Variants in USP31 observed in about 807,000 individuals in gnomAD.
USP31 encodes ubiquitin specific peptidase 31, also known as ubiquitin carboxyl-terminal hydrolase 31.
USP31 carries 44 observed loss-of-function variants against 119.4 expected under a neutral mutation model. The ratio of observed to expected loss-of-function variants is 0.37; its 90% CI spans 0.29 to 0.47. USP31 has a LOEUF of 0.47. USP31 is among the 20% of genes least tolerant of loss of function. The pLI is 0.99. For missense variants in USP31, 1,643 were observed against 1,730.2 expected, an observed-to-expected ratio of 0.95 and a Z score of 0.89; for synonymous variants, 749 against 705.6, an observed-to-expected ratio of 1.06 and a Z score of -0.97.
At chr16:23,147,592 G>A (rs919109952) in intron 1 of USP31, among the ~76,000 whole-genome samples, 3 of 151,900 alleles carry the variant, frequency 2.0e-5, no homozygotes, top group Non-Finnish European at 4.4e-5. Flanking sequence ...CACTACACTT[G>A]CAGCCCCACC....
chr16:23,088,916 A>G (rs1321600498), intron 7 of USP31, among the ~76,000 whole-genome samples: 1 of 152,260 alleles, frequency 6.6e-6, no homozygotes, highest in African/African-American at 2.4e-5. Context: ...AGGGAAGTAG[A>G]GGTGCTAAGA....
Position 23,149,375 on chromosome 16 carries a change from C to A in USP31, c.-105G>T, listed in dbSNP as rs1196659739. 2.1e-5 allele frequency: 21 copies of A among 987,472 alleles called. No homozygotes were observed. Among genetic ancestry groups the A allele is most frequent in the Non-Finnish European group, 2.4e-5 (20 of 832,374 alleles). The allele number at this position is 987,472 out of a possible 1,614,324, so 61.2% of individuals were successfully genotyped here. ...CGCCGCGCCTCACCGGGCCCGGGGGCTCGACGCCCCACACACCTCAAAGCG... is the reference window on the plus strand; with the variant it reads ...CGCCGCGCCTCACCGGGCCCGGGGGATCGACGCCCCACACACCTCAAAGCG... On this transcript the variant is annotated 5_prime_UTR_variant, in exon 1 of 16. Coordinates refer to ENST00000219689, the MANE Select transcript of USP31 (RefSeq NM_020718.4).
At chr16:23,119,130 G>A (rs1386779311) in intron 1 of USP31, among the ~76,000 whole-genome samples, 4 of 143,902 alleles carry the variant, frequency 2.8e-5, no homozygotes, top group Non-Finnish European at 6.0e-5. Flanking sequence ...AGACAGTCTC[G>A]CTTTGTCCCC....
At position 23,148,672 on chromosome 16, in the gene USP31, A is replaced by C. The variant is rs1253396254; in HGVS notation, c.599T>G (p.Leu200Arg). 13 of 1,493,534 alleles carry C rather than the reference A, an allele frequency of 8.7e-6. No individual in the cohort carries two copies. Among genetic ancestry groups the C allele is most frequent in the Non-Finnish European group, 8.9e-7 (1 of 1,125,372 alleles). 92.5% of individuals were successfully genotyped at this position (1,493,534 alleles called of 1,614,324 possible). The change falls in exon 1 of 16, where the codon CTG becomes CGG. Residue 200 changes from leucine (L) to arginine (R), a missense_variant. This residue lies in a region of USP31 where 144 missense variants were observed against 218.0 expected (regional missense o/e 0.66). Coordinates refer to ENST00000219689, the MANE Select transcript of USP31 (RefSeq NM_020718.4). ...GCGGCTGTGCTGCGGGGTGTACTCC[A>C]GGGTCCAGAGGGCCCGCACCAGGTG... The part of the protein sequence containing the change: ...LAHLVRALWT[L>R]EYTPQHSRDF...
chr16:23,128,228 G>A (rs907290958), intron 1 of USP31, among the ~76,000 whole-genome samples: 6 of 152,306 alleles, frequency 3.9e-5, no homozygotes, highest in South Asian at 2.1e-4. Flanking sequence ...AAAGGAACCT[G>A]ATTCCAGTAT....
At chr16:23,111,543 T>C (rs1302469616) in intron 1 of USP31, among the ~76,000 whole-genome samples, 1 of 152,108 alleles carries the variant, frequency 6.6e-6, no homozygotes, top group Non-Finnish European at 1.5e-5. Flanking sequence ...GGTAAACAAC[T>C]GAAAAATACA....
chr16:23,123,259 T>G (rs1170065770), intron 1 of USP31, among the ~76,000 whole-genome samples: 1 of 152,174 alleles, frequency 6.6e-6, no homozygotes. Flanking sequence ...GACATTAGGC[T>G]GGGCGCGGCA....
chr16:23,098,733 G>A (rs1452315240), intron 6 of USP31, among the ~76,000 whole-genome samples: 3 of 151,984 alleles, frequency 2.0e-5, no homozygotes, highest in Admixed American at 6.6e-5. Flanking sequence ...AGGATTCCCT[G>A]TTTAATAAAT....
chr16:23,131,655 T>G (rs1056445986), intron 1 of USP31, among the ~76,000 whole-genome samples: 1 of 152,074 alleles, frequency 6.6e-6, no homozygotes, highest in African/African-American at 2.4e-5. Context: ...GCTGAAGAAC[T>G]CTAATGAACC....
At chr16:23,083,983 G>A (rs1020280670) in intron 11 of USP31, among the ~76,000 whole-genome samples, 2 of 152,074 alleles carry the variant, frequency 1.3e-5, no homozygotes. Flanking sequence ...CTGTCTTAAC[G>A]AGGCAAACTA....
chr16:23,110,261 T>C (rs746447275), intron 1 of USP31, among the ~76,000 whole-genome samples: 37 of 152,148 alleles, frequency 2.4e-4, no homozygotes, highest in Non-Finnish European at 4.4e-4. Flanking sequence ...GTTGTGTATA[T>C]GTGTATCATG....
In USP31 at chr16:23,069,261, C is replaced by T; in HGVS notation, c.2844G>A (p.Val948=). The T allele has an allele frequency of 6.2e-7, 1 of 1,613,608 alleles. No individual in the cohort carries two copies. Among genetic ancestry groups the T allele is most frequent in the Non-Finnish European group, 8.5e-7 (1 of 1,179,734 alleles). Residue 948 remains valine, a synonymous_variant, in exon 16 of 16, where the codon GTG becomes GTA. Coordinates refer to ENST00000219689, the MANE Select transcript of USP31 (RefSeq NM_020718.4). ...GRAPLAVMEG[V]FKDESDTRRL... is the part of the protein sequence containing the mutation. ...TGCGGGTGTCCGATTCGTCTTTGAA[C>T]ACGCCTTCCATGACAGCCAGAGGGG...
intron 1 of USP31, 68 bp from the exon 2 acceptor site, chr16:23,108,251 A>T (rs760081966): frequency 5.4e-5 from 83 of 1,523,672 alleles, no homozygotes; most frequent in Non-Finnish European, 7.2e-5. Context: ...CTATTTATTC[A>T]TAATCGCAAA....
chr16:23,146,810 T>C (rs182816114), intron 1 of USP31, among the ~76,000 whole-genome samples: 1 of 152,224 alleles, frequency 6.6e-6, no homozygotes, highest in East Asian at 1.9e-4. Context: ...CTCCTTTTAC[T>C]TAAATGTTGT....
At chr16:23,085,073 A>G in intron 10 of USP31, 84 bp from the exon 11 acceptor site, 1 of 1,516,238 alleles carries the variant, frequency 6.6e-7, no homozygotes, top group Admixed American at 2.0e-5. Context: ...TGAAGTGACT[A>G]CAAACTCATA....
At chr16:23,085,695 C>T in intron 9 of USP31, 33 bp from the exon 10 acceptor site, 1 of 1,528,326 alleles carries the variant, frequency 6.5e-7, no homozygotes, top group Non-Finnish European at 9.0e-7. Flanking sequence ...AGGGAAGCCA[C>T]ATATTATTTT....
chr16:23,134,687 A>AAAAG (rs1162732363), intron 1 of USP31, among the ~76,000 whole-genome samples: 3 of 151,682 alleles, frequency 2.0e-5, no homozygotes, highest in East Asian at 1.9e-4. Context: ...AAAAAAAAAA[A>AAAAG]AAAGAAAGAA....
intron 14 of USP31, chr16:23,072,504 GCA>G (rs1480751755): frequency 5.1e-6 from 3 of 588,132 alleles, no homozygotes; most frequent in Non-Finnish European, 9.1e-6. Context: ...GAATAGACAA[GCA>G]CTCATACATT....
chr16:23,137,402 C>T (rs1318502652), intron 1 of USP31, among the ~76,000 whole-genome samples: 1 of 152,014 alleles, frequency 6.6e-6, no homozygotes, highest in Non-Finnish European at 1.5e-5. Context: ...AAAAGTTAAA[C>T]ATAGAATTAT....
Sources: gnomAD v4.1 joint callset for allele counts (sites outside exome capture counted in the v4.1 genomes callset) on GRCh38, gnomAD v4.1.1 for gene constraint, gnomAD v4.1.1 regional missense constraint, MANE v1.5 for transcripts, NCBI Gene and HGNC (gene_info 2026-07-23, HGNC 2026-07-21) for gene names.